Variants in HEXB observed in about 807,000 individuals in gnomAD.
HEXB encodes beta-hexosaminidase subunit beta.
In HEXB, 51 loss-of-function variants were observed where a neutral mutation model predicts 71.2. That is an observed-to-expected ratio of 0.72 (90% CI 0.57 to 0.90). The LOEUF is 0.90. Among genes scored for constraint, HEXB ranks in the 40% least tolerant of loss-of-function variants. The pLI is 0.00. For synonymous variants in HEXB, 266 were observed against 249.3 expected (o/e 1.07, Z -0.63); for missense variants, 617 against 677.0 (o/e 0.91, Z 0.98).
At chr5:74,648,178 C>T (rs113005739) in intron 1 of HEXB, among the ~76,000 whole-genome samples, 26 of 152,302 alleles carry the variant, frequency 1.7e-4, no homozygotes, top group African/African-American at 6.0e-4. Flanking sequence ...GATTATAGAG[C>T]ATAAAAGCAC....
At chr5:74,702,110 G>T (rs1386079457) in intron 5 of HEXB, among the ~76,000 whole-genome samples, 3 of 98,238 alleles carry the variant, frequency 3.1e-5, no homozygotes, top group African/African-American at 1.2e-4. Flanking sequence ...ACGGAGTCTC[G>T]CTCTGTCGCC....
At chr5:74,645,378 G>T (rs986583711) in intron 1 of HEXB, among the ~76,000 whole-genome samples, 2 of 152,074 alleles carry the variant, frequency 1.3e-5, no homozygotes, top group African/African-American at 4.8e-5. Flanking sequence ...CATATAGTAT[G>T]ATTTTTAACT....
At chr5:74,716,906 T>C in intron 9 of HEXB, 1 of 378,250 alleles carries the variant, frequency 2.6e-6, no homozygotes, top group South Asian at 2.4e-5. Context: ...AAACTCAGAT[T>C]GGGCTGGGCA....
chr5:74,677,470 G>A (rs1274288898), intron 1 of HEXB, among the ~76,000 whole-genome samples: 1 of 141,018 alleles, frequency 7.1e-6, no homozygotes, highest in Non-Finnish European at 1.5e-5. Flanking sequence ...TAAACAGTTT[G>A]CATTTCTTTT....
At chr5:74,717,629 A>C (rs1749705598) in intron 9 of HEXB, among the ~76,000 whole-genome samples, 1 of 151,954 alleles carries the variant, frequency 6.6e-6, no homozygotes, top group Non-Finnish European at 1.5e-5. Context: ...GACCACATAC[A>C]ATTTTTTTTT....
intron 1 of HEXB, among the ~76,000 whole-genome samples, chr5:74,658,420 G>A (rs769463756): frequency 3.3e-5 from 5 of 152,138 alleles, no homozygotes; most frequent in Non-Finnish European, 7.4e-5. Flanking sequence ...CTTTGTTTAG[G>A]GCAGGGCCTG....
At position 74,693,365 on chromosome 5, in the gene HEXB, A is replaced by T. The variant is rs1326625531; in HGVS notation, c.446-274A>T. 4 of 506,300 alleles carry T rather than the reference A, an allele frequency of 7.9e-6. No individual in the cohort carries two copies. In the South Asian group the frequency reaches 8.3e-5, roughly 10 times the overall value. The allele number at this position is 506,300 out of a possible 1,614,324, so 31.4% of individuals were successfully genotyped here. On this transcript the variant is annotated intron_variant, in intron 2 of 13. Transcript: ENST00000261416. ...CGTTCTGAGTGACTCAAGTGACTGGATGGTGGTGCTGTGACTCACTGAAAT... is the reference window on the plus strand; with the variant it reads ...CGTTCTGAGTGACTCAAGTGACTGGTTGGTGGTGCTGTGACTCACTGAAAT...
chr5:74,697,598 C>T (rs559557520), intron 5 of HEXB, among the ~76,000 whole-genome samples: 4 of 151,858 alleles, frequency 2.6e-5, no homozygotes, highest in Non-Finnish European at 4.4e-5. Context: ...TGGTAGCGTG[C>T]GCCTGTAATC....
chr5:74,693,616 G>A (rs1294916306), intron 2 of HEXB, 23 bp from the exon 3 acceptor site: 2 of 1,545,812 alleles, frequency 1.3e-6, no homozygotes, highest in African/African-American at 1.4e-5. Context: ...AAGTGTGTGT[G>A]TGATTTTAAA....
chr5:74,713,728 A>G (rs529706113), intron 7 of HEXB, 93 bp downstream of exon 7: 11 of 1,040,680 alleles, frequency 1.1e-5, no homozygotes, highest in South Asian at 1.1e-4. Context: ...CAGTAGTACA[A>G]TCTCGGCTCA....
At chr5:74,662,499 T>G (rs1455343131) in intron 1 of HEXB, among the ~76,000 whole-genome samples, 2 of 70,544 alleles carry the variant, frequency 2.8e-5, no homozygotes. Context: ...AACATCTTTA[T>G]GTATAACTCT....
chr5:74,640,653 G>T (rs1157471059), intron 1 of HEXB: 1 of 152,396 alleles, frequency 6.6e-6, no homozygotes, highest in Non-Finnish European at 1.5e-5. Flanking sequence ...TGTGCCGGCG[G>T]CCGCCAGGCG....
chr5:74,648,603 C>T lies in HEXB; in HGVS notation c.-377+8045C>T, dbSNP rs186072633. On this transcript the variant is annotated intron_variant, in intron 1 of 13. Transcript: ENST00000511181. ...GGGTTTTCCAAAACTGCACCAATTT[C>T]TTCTACACCTCTTCTAGGACACTTG... Among the ~76,000 whole-genome samples, 333 of 152,298 alleles carry T rather than the reference C, an allele frequency of 2.2e-3. 2 individuals carry two copies. The highest frequency in any genetic ancestry group is 3.4e-3 in the Middle Eastern group (1 of 294).
upstream of HEXB, among the ~76,000 whole-genome samples, chr5:74,683,625 C>T (rs1748780299): frequency 6.6e-6 from 1 of 151,508 alleles, no homozygotes; most frequent in Non-Finnish European, 1.5e-5. Flanking sequence ...TTCTGTGACC[C>T]ATTTTGAAAA....
At chr5:74,672,209 AC>A (rs1483534019) in intron 1 of HEXB, among the ~76,000 whole-genome samples, 3 of 152,204 alleles carry the variant, frequency 2.0e-5, no homozygotes, top group Non-Finnish European at 4.4e-5. Flanking sequence ...TGTGGTACAC[AC>A]TGCGAGCCCT....
At chr5:74,702,880 T>C (rs921110499) in intron 5 of HEXB, among the ~76,000 whole-genome samples, 3 of 152,226 alleles carry the variant, frequency 2.0e-5, no homozygotes, top group Admixed American at 6.5e-5. Context: ...TATTTAAGTA[T>C]TCGTTATTTT....
At chr5:74,669,447 T>C (rs1748493102) in intron 1 of HEXB, among the ~76,000 whole-genome samples, 1 of 152,152 alleles carries the variant, frequency 6.6e-6, no homozygotes, top group Non-Finnish European at 1.5e-5. Context: ...GGAATTAATT[T>C]TGGGAGGACT....
At chr5:74,677,100 T>C (rs11738373) in intron 1 of HEXB, among the ~76,000 whole-genome samples, 22,789 of 151,974 alleles carry the variant, frequency 0.15, 1,910 homozygotes, top group East Asian at 0.27. Context: ...TTGGCCAGGA[T>C]GGTCTCGATA....
At chr5:74,679,168 G>A (rs1472109904) in intron 1 of HEXB, among the ~76,000 whole-genome samples, 1 of 152,196 alleles carries the variant, frequency 6.6e-6, no homozygotes, top group African/African-American at 2.4e-5. Flanking sequence ...CAGCCATAAC[G>A]AACACCTTAA....
Sources: allele counts gnomAD v4.1 joint callset (sites outside exome capture counted in the v4.1 genomes callset), GRCh38; gene constraint gnomAD v4.1.1; transcripts MANE v1.5; gene names NCBI Gene and HGNC (gene_info 2026-07-23, HGNC 2026-07-21).